Variants in PCDH15 observed in about 807,000 individuals in gnomAD.
PCDH15 encodes the protein protocadherin related 15.
PCDH15 carries 129 observed loss-of-function variants against 178.5 expected under a neutral mutation model. The ratio of observed to expected loss-of-function variants is 0.72; its 90% CI spans 0.63 to 0.84. The LOEUF (loss-of-function observed/expected upper bound fraction) is 0.84. PCDH15 is among the 40% of genes least tolerant of loss of function. PCDH15 has a pLI of 0.00. For synonymous variants in PCDH15, 800 were observed against 732.0 expected (o/e 1.09, Z -1.50); for missense variants, 2,230 against 2,099.9 (o/e 1.06, Z -1.21).
At chr10:54,040,273 T>A (rs2093514035) in intron 18 of PCDH15, among the ~76,000 whole-genome samples, 1 of 151,958 alleles carries the variant, frequency 6.6e-6, no homozygotes, top group Non-Finnish European at 1.5e-5. Flanking sequence ...TGGTGGGAGA[T>A]AACTGAATCA....
In PCDH15 at chr10:53,995,995, G is replaced by T. The variant is rs140975710; in HGVS notation, c.2752-230C>A. Among the ~76,000 whole-genome samples, 1,065 of 152,170 alleles carry T rather than the reference G, an allele frequency of 7.0e-3. 11 individuals carry two copies. The highest frequency in any genetic ancestry group is 0.021 in the African/African-American group (884 of 41,532). The stretch of plus-strand genomic sequence containing the variant: ...CTGAAGGCCGTTCCACTGGAATAAA[G>T]TCTTTCACCCTCAAAAACATGCCTT... On this transcript the variant is annotated intron_variant, in intron 20 of 37. Coordinates refer to ENST00000644397, the MANE Select transcript of PCDH15 (RefSeq NM_001384140.1).
intron 20 of PCDH15, 104 bp downstream of exon 20, chr10:54,020,088 C>T (rs1215646617): frequency 2.1e-6 from 2 of 947,880 alleles, no homozygotes; most frequent in African/African-American, 3.3e-5. Context: ...ACCACTGTGT[C>T]ATTAGGAATT....
intron 2 of PCDH15, among the ~76,000 whole-genome samples, chr10:55,456,767 A>G (rs923642273): frequency 1.3e-5 from 2 of 152,040 alleles, no homozygotes; most frequent in African/African-American, 4.8e-5. Context: ...TTCTGAAAAA[A>G]AAATTGCTCT....
chr10:54,765,232 A>G (rs1948365828), intron 1 of PCDH15, among the ~76,000 whole-genome samples: 1 of 152,192 alleles, frequency 6.6e-6, no homozygotes, highest in African/African-American at 2.4e-5. Flanking sequence ...TAATTCCTGT[A>G]TCCATACTAA....
At chr10:55,239,045 T>A (rs962713263) in intron 1 of PCDH15, among the ~76,000 whole-genome samples, 2 of 152,180 alleles carry the variant, frequency 1.3e-5, no homozygotes, top group African/African-American at 2.4e-5. Context: ...TTACTCTTTA[T>A]ATCCATGATT....
chr10:54,192,190 G>C (rs2049106671), intron 11 of PCDH15, among the ~76,000 whole-genome samples: 1 of 138,826 alleles, frequency 7.2e-6, no homozygotes, highest in Non-Finnish European at 1.5e-5. Flanking sequence ...GAGAAAGAAA[G>C]AAAGGAAAGA....
chr10:55,262,261 G>A (rs112948471), intron 1 of PCDH15, among the ~76,000 whole-genome samples: 9,987 of 150,288 alleles, frequency 0.066, 404 homozygotes, highest in Middle Eastern at 0.18. Context: ...AGTGATATGG[G>A]AGGGGGGCAA....
chr10:54,295,555 T>G (rs2059699120), intron 8 of PCDH15, among the ~76,000 whole-genome samples: 1 of 152,164 alleles, frequency 6.6e-6, no homozygotes, highest in South Asian at 2.1e-4. Flanking sequence ...CTGAAGTCAG[T>G]GAGACTACAA....
At chr10:55,334,741 T>C (rs1844333397) in intron 2 of PCDH15, among the ~76,000 whole-genome samples, 1 of 152,192 alleles carries the variant, frequency 6.6e-6, no homozygotes, top group African/African-American at 2.4e-5. Flanking sequence ...GATATTCCAA[T>C]ATCAAAAAAT....
intron 29 of PCDH15, among the ~76,000 whole-genome samples, chr10:53,838,335 T>C (rs34225913): frequency 6.6e-6 from 1 of 152,126 alleles, no homozygotes. Flanking sequence ...GCTATGATAG[T>C]TATTTTATTG....
At chr10:55,234,588 C>T (rs1005183365) in intron 1 of PCDH15, among the ~76,000 whole-genome samples, 7 of 151,788 alleles carry the variant, frequency 4.6e-5, no homozygotes, top group South Asian at 4.2e-4. Flanking sequence ...ACCATGTTGC[C>T]GAGGCCATCC....
At chr10:55,490,170 A>T (rs779974418) in intron 2 of PCDH15, among the ~76,000 whole-genome samples, 1 of 151,752 alleles carries the variant, frequency 6.6e-6, no homozygotes. Context: ...TTCTGTCAGG[A>T]GGCAATTTAG....
intron 21 of PCDH15, among the ~76,000 whole-genome samples, chr10:53,976,803 A>G (rs2090220483): frequency 6.6e-6 from 1 of 151,990 alleles, no homozygotes; most frequent in Non-Finnish European, 1.5e-5. Context: ...TGTCTTTTAA[A>G]TAAACATAGA....
chr10:54,674,309 A>G (rs1045495495), intron 1 of PCDH15, among the ~76,000 whole-genome samples: 1 of 152,138 alleles, frequency 6.6e-6, no homozygotes, highest in Admixed American at 6.5e-5. Context: ...AGATGTTGAT[A>G]TTATTGAAAT....
intron 21 of PCDH15, among the ~76,000 whole-genome samples, chr10:53,970,460 G>C (rs1398806113): frequency 1.3e-5 from 2 of 150,988 alleles, no homozygotes; most frequent in African/African-American, 4.8e-5. Context: ...AGGAGACAGA[G>C]AAACAAAAAA....
At chr10:54,889,672 T>C (rs1162915866) in intron 3 of PCDH15, among the ~76,000 whole-genome samples, 4 of 151,492 alleles carry the variant, frequency 2.6e-5, no homozygotes, top group Non-Finnish European at 4.4e-5. Flanking sequence ...TCTGAGATGA[T>C]ACTTTATCTA....
chr10:53,876,186 T>G (rs557994951), intron 26 of PCDH15, among the ~76,000 whole-genome samples: 7 of 57,114 alleles, frequency 1.2e-4, no homozygotes, highest in East Asian at 6.9e-3. Context: ...TTGTTTTTTT[T>G]TTTGTTTTTT....
intron 1 of PCDH15, among the ~76,000 whole-genome samples, chr10:54,789,661 A>G (rs1951205135): frequency 6.6e-6 from 1 of 151,954 alleles, no homozygotes; most frequent in Admixed American, 6.6e-5. Context: ...AAATGCAACT[A>G]TTTATAAATC....
At chr10:54,430,347 A>C (rs888987301) in intron 3 of PCDH15, among the ~76,000 whole-genome samples, 21 of 151,868 alleles carry the variant, frequency 1.4e-4, no homozygotes, top group Non-Finnish European at 2.6e-4. Context: ...GAGCCACCAC[A>C]CCCGGCCAAA....
Sources: allele counts gnomAD v4.1 joint callset (sites outside exome capture counted in the v4.1 genomes callset), GRCh38; gene constraint gnomAD v4.1.1; transcripts MANE v1.5; gene names NCBI Gene and HGNC (gene_info 2026-07-23, HGNC 2026-07-21).